The following NCAM2 variants were observed in gnomAD, a reference collection of about 807,000 sequenced individuals.
NCAM2 encodes neural cell adhesion molecule 2.
Under a neutral mutation model 98.1 loss-of-function variants are expected in NCAM2, and 30 were observed. The ratio of observed to expected loss-of-function variants is 0.31; its 90% CI spans 0.23 to 0.41. NCAM2 has a LOEUF of 0.41. Among genes scored for constraint, NCAM2 ranks in the 10% least tolerant of loss-of-function variants. The probability of loss-of-function intolerance (pLI) is 1.00; values close to 1 mark genes in which losing one functional copy is unlikely to be tolerated. For synonymous variants in NCAM2, 368 were observed against 342.4 expected (o/e 1.07, Z -0.83); for missense variants, 867 against 1,005.8 (o/e 0.86, Z 1.87).
intron 16 of NCAM2, among the ~76,000 whole-genome samples, chr21:21,534,014 A>C (rs2826881): frequency 3.9e-5 from 6 of 151,994 alleles, no homozygotes; most frequent in African/African-American, 1.4e-4. Flanking sequence ...ATACAAATGG[A>C]TAGACATATT....
chr21:21,441,259 A>T (rs576899500), intron 12 of NCAM2, among the ~76,000 whole-genome samples: 78 of 152,292 alleles, frequency 5.1e-4, no homozygotes, highest in African/African-American at 1.8e-3. Flanking sequence ...AAAAACAAAA[A>T]CAATACCTTT....
At chr21:21,326,876 A>C (rs1270789893) in intron 6 of NCAM2, among the ~76,000 whole-genome samples, 1 of 150,974 alleles carries the variant, frequency 6.6e-6, no homozygotes, top group East Asian at 2.0e-4. Flanking sequence ...TGTATCTGAC[A>C]TATAGACATG....
At chr21:21,328,089 CATA>C (rs1466573837) in intron 6 of NCAM2, among the ~76,000 whole-genome samples, 2 of 152,238 alleles carry the variant, frequency 1.3e-5, no homozygotes, top group East Asian at 1.9e-4. Context: ...GCATGCCCAG[CATA>C]ATGACCTATC....
rs233802 is a variant in NCAM2 at position 21,512,919 on chromosome 21, T to C, written c.2282+3864T>C. Among the ~76,000 whole-genome samples, 184 of 152,210 alleles carry C rather than the reference T, an allele frequency of 1.2e-3. 1 individual carries two copies. The highest frequency in any genetic ancestry group is 2.2e-3 in the Non-Finnish European group (152 of 67,954). On this transcript the variant is annotated intron_variant, in intron 16 of 17. Transcript: ENST00000400546. ...TGACATGTGGAAATGTTACTGATTA[T>C]TGTACGTTGATTTTTTATCCTGAAA...
chr21:21,196,385 T>G (rs2146993117), intron 1 of NCAM2, among the ~76,000 whole-genome samples: 1 of 152,362 alleles, frequency 6.6e-6, no homozygotes, highest in East Asian at 1.9e-4. Flanking sequence ...CTATGAGGAT[T>G]GCTGAACCTG....
At chr21:21,064,835 T>G (rs1481935493) in intron 1 of NCAM2, among the ~76,000 whole-genome samples, 1 of 152,142 alleles carries the variant, frequency 6.6e-6, no homozygotes. Flanking sequence ...AAGAACTTGA[T>G]CAACGGGCAA....
At chr21:21,503,282 A>C (rs1987753151) in intron 15 of NCAM2, among the ~76,000 whole-genome samples, 1 of 151,942 alleles carries the variant, frequency 6.6e-6, no homozygotes, top group Admixed American at 6.6e-5. Context: ...ATTAAAATAG[A>C]ACAATTACAA....
At chr21:21,115,110 C>T (rs976111977) in intron 1 of NCAM2, among the ~76,000 whole-genome samples, 4 of 152,048 alleles carry the variant, frequency 2.6e-5, no homozygotes, top group African/African-American at 4.8e-5. Context: ...CATGAGCCAC[C>T]GCACCCGGCC....
At chr21:21,521,911 T>C (rs568206491) in intron 16 of NCAM2, among the ~76,000 whole-genome samples, 11 of 151,416 alleles carry the variant, frequency 7.3e-5, no homozygotes, top group South Asian at 2.1e-4. Context: ...ATACCATAGA[T>C]CCAGAAAATT....
intron 5 of NCAM2, among the ~76,000 whole-genome samples, chr21:21,306,887 G>T (rs146370478): frequency 0.018 from 2,589 of 142,900 alleles, 73 homozygotes; most frequent in African/African-American, 0.065. Context: ...TGTACTCTCT[G>T]TTCCCTGAAT....
At chr21:21,486,300 T>C in intron 15 of NCAM2, among the ~76,000 whole-genome samples, 1 of 60,042 alleles carries the variant, frequency 1.7e-5, no homozygotes, top group Non-Finnish European at 2.8e-5. Context: ...CGAGACTCCG[T>C]CTCAAAAAAA....
intron 1 of NCAM2, among the ~76,000 whole-genome samples, chr21:21,069,748 A>G (rs2065518881): frequency 1.3e-5 from 2 of 152,136 alleles, no homozygotes; most frequent in Non-Finnish European, 2.9e-5. Context: ...CAAAGCTAAA[A>G]AAGAAGGAAA....
intron 14 of NCAM2, among the ~76,000 whole-genome samples, chr21:21,474,194 A>G (rs909752503): frequency 6.6e-6 from 1 of 152,020 alleles, no homozygotes; most frequent in African/African-American, 2.4e-5. Context: ...TTCCCTAGGA[A>G]TAGCAATTAG....
intron 1 of NCAM2, among the ~76,000 whole-genome samples, chr21:21,108,172 G>T (rs1324163458): frequency 1.3e-5 from 2 of 151,636 alleles, no homozygotes; most frequent in African/African-American, 2.4e-5. Flanking sequence ...AAACCAAATT[G>T]TTCAACCCAA....
At chr21:21,453,592 T>C (rs1434802222) in intron 12 of NCAM2, among the ~76,000 whole-genome samples, 1 of 152,104 alleles carries the variant, frequency 6.6e-6, no homozygotes, top group Non-Finnish European at 1.5e-5. Context: ...AGGGATCATT[T>C]TGAGTAGGGA....
chr21:21,294,433 C>G (rs2073403265), intron 5 of NCAM2, among the ~76,000 whole-genome samples: 1 of 151,770 alleles, frequency 6.6e-6, no homozygotes, highest in Non-Finnish European at 1.5e-5. Context: ...CCTGTTTTGT[C>G]TGTATCAGTT....
In NCAM2 at chr21:21,540,999, GTTTTC is replaced by G. The variant is rs1257497078; in HGVS notation, c.*3047_*3051del. On this transcript the variant is annotated 3_prime_UTR_variant, in exon 18 of 18. Coordinates refer to ENST00000400546, the MANE Select transcript of NCAM2 (RefSeq NM_004540.5). Reference sequence around the variant, plus strand: ...CTAATGTCTAACATTAATGTTTCTTGTTTTCTTTTATTTTTAATATTAATAACTAT... The same window carrying G: ...CTAATGTCTAACATTAATGTTTCTTGTTTTATTTTTAATATTAATAACTAT... The G allele has an allele frequency of 1.3e-5, 2 of 151,566 alleles. No individual in the cohort carries two copies. Among genetic ancestry groups the G allele is most frequent in the Non-Finnish European group, 3.0e-5 (2 of 67,718 alleles). The allele number at this position is 151,566 out of a possible 1,614,324, so 9.4% of individuals were successfully genotyped here. A position where few individuals can be genotyped will look rare whatever the true frequency, so the allele number is the denominator to read the frequency against.
intron 1 of NCAM2, among the ~76,000 whole-genome samples, chr21:21,082,289 A>AAAAC (rs1555882224): frequency 6.7e-6 from 1 of 149,208 alleles, no homozygotes; most frequent in African/African-American, 2.5e-5. Context: ...AACAAAAAAA[A>AAAAC]AAAAACAAAA....
At chr21:21,385,716 A>G (rs1422159212) in intron 9 of NCAM2, 1 of 1,221,600 alleles carries the variant, frequency 8.2e-7, no homozygotes, top group Admixed American at 2.4e-5. Context: ...AAAGGAGAAA[A>G]CAGGCATGTG....
Sources: gnomAD v4.1 joint callset for allele counts (sites outside exome capture counted in the v4.1 genomes callset) on GRCh38, gnomAD v4.1.1 for gene constraint, MANE v1.5 for transcripts, NCBI Gene and HGNC (gene_info 2026-07-23, HGNC 2026-07-21) for gene names.